Variants in NKAIN2 observed in about 807,000 individuals in gnomAD.
NKAIN2 encodes the protein sodium/potassium-transporting ATPase subunit beta-1-interacting protein 2.
NKAIN2 carries 14 observed loss-of-function variants against 32.6 expected under a neutral mutation model. That is an observed-to-expected ratio of 0.43 (90% CI 0.28 to 0.67). The LOEUF is 0.67. NKAIN2 is among the 30% of genes least tolerant of loss of function. The pLI is 0.17. For synonymous variants in NKAIN2, 80 were observed against 87.2 expected, an observed-to-expected ratio of 0.92 and a Z score of 0.46; for missense variants, 198 against 258.3, an observed-to-expected ratio of 0.77 and a Z score of 1.60.
intron 4 of NKAIN2, among the ~76,000 whole-genome samples, chr6:124,726,604 G>T (rs1223997633): frequency 1.3e-5 from 2 of 148,862 alleles, no homozygotes; most frequent in Non-Finnish European, 1.5e-5. Flanking sequence ...ACAAAGATGG[G>T]GAAAAAACAG....
chr6:124,388,815 A>C (rs1773023790), intron 3 of NKAIN2, among the ~76,000 whole-genome samples: 1 of 151,984 alleles, frequency 6.6e-6, no homozygotes, highest in Non-Finnish European at 1.5e-5. Flanking sequence ...TGCCTTGTAT[A>C]GTCTATTTAG....
intron 3 of NKAIN2, among the ~76,000 whole-genome samples, chr6:124,460,038 TGTA>T (rs565148830): frequency 2.8e-4 from 42 of 151,872 alleles, no homozygotes; most frequent in African/African-American, 9.2e-4. Context: ...ATATTCTATT[TGTA>T]GTCTTTCTAG....
At chr6:124,773,744 T>C (rs866752543) in intron 4 of NKAIN2, among the ~76,000 whole-genome samples, 1 of 152,184 alleles carries the variant, frequency 6.6e-6, no homozygotes, top group Non-Finnish European at 1.5e-5. Context: ...CCGATTAAAT[T>C]ACTATGGAAA....
chr6:124,058,222 G>A lies in NKAIN2; in HGVS notation c.55-224783G>A, dbSNP rs571259427. Among the ~76,000 whole-genome samples, 34 of 102,516 alleles carry A rather than the reference G, an allele frequency of 3.3e-4. 1 individual carries two copies. In the East Asian group the frequency reaches 6.4e-3, roughly 19 times the overall value. 67.3% of individuals were successfully genotyped at this position (102,516 alleles called of 152,430 possible). On this transcript the variant is annotated intron_variant, in intron 1 of 6. Transcript: ENST00000368417. ...AAGTTTTGTTTTTTTTTTTTTTTTC[G>A]GTTTTAGGCATATAACTCAGTTATA...
intron 3 of NKAIN2, among the ~76,000 whole-genome samples, chr6:124,635,817 G>A (rs1783752825): frequency 6.6e-6 from 1 of 151,944 alleles, no homozygotes; most frequent in Admixed American, 6.6e-5. Context: ...GCCAAAGAGA[G>A]AAGTAGACTC....
intron 3 of NKAIN2, among the ~76,000 whole-genome samples, chr6:124,629,386 G>A (rs958543191): frequency 5.9e-5 from 9 of 152,020 alleles, no homozygotes; most frequent in Non-Finnish European, 1.3e-4. Flanking sequence ...CCTTTAGAAG[G>A]CTCTGAAATT....
chr6:124,411,403 C>G (rs1331331997), intron 3 of NKAIN2, among the ~76,000 whole-genome samples: 1 of 152,096 alleles, frequency 6.6e-6, no homozygotes, highest in Non-Finnish European at 1.5e-5. Flanking sequence ...TCAGCATTTG[C>G]TTGTCTGTAA....
At chr6:123,937,316 G>T (rs1241928683) in intron 1 of NKAIN2, among the ~76,000 whole-genome samples, 3 of 152,010 alleles carry the variant, frequency 2.0e-5, no homozygotes, top group African/African-American at 7.2e-5. Context: ...TTCTAGAAAA[G>T]ATTTTGATTT....
intron 1 of NKAIN2, among the ~76,000 whole-genome samples, chr6:123,831,856 G>T (rs147798699): frequency 1.3e-5 from 2 of 151,986 alleles, no homozygotes; most frequent in Non-Finnish European, 2.9e-5. Context: ...GGGTTTCACC[G>T]TGTTAGCCAG....
At chr6:124,370,237 T>A (rs550925413) in intron 3 of NKAIN2, among the ~76,000 whole-genome samples, 1 of 151,818 alleles carries the variant, frequency 6.6e-6, no homozygotes, top group African/African-American at 2.4e-5. Context: ...GCTCTCTTTC[T>A]TGATTGAGAT....
chr6:124,328,649 G>A (rs946004839), intron 2 of NKAIN2, among the ~76,000 whole-genome samples: 1 of 152,274 alleles, frequency 6.6e-6, no homozygotes, highest in Admixed American at 6.5e-5. Context: ...GTGTTATAGG[G>A]CTCTCTAAAG....
chr6:124,635,057 GAGAAAGAAAGAGAAAAAAGACAAAGAA>G (rs1020362640), intron 3 of NKAIN2, among the ~76,000 whole-genome samples: 1 of 149,836 alleles, frequency 6.7e-6, no homozygotes, highest in African/African-American at 2.5e-5. Context: ...GAAGGAAAGA[GAGAAAGAAAGAGAAAAAAGACAAAGAA>G]AGAAAGAGAA....
At chr6:124,342,697 C>T (rs150444888) in intron 2 of NKAIN2, among the ~76,000 whole-genome samples, 55 of 151,392 alleles carry the variant, frequency 3.6e-4, no homozygotes, top group South Asian at 1.0e-3. Context: ...TTTGTAGGGA[C>T]GGGGTTTCAT....
At chr6:124,503,497 C>T (rs535311444) in intron 3 of NKAIN2, among the ~76,000 whole-genome samples, 2 of 152,128 alleles carry the variant, frequency 1.3e-5, no homozygotes, top group African/African-American at 4.8e-5. Context: ...CATGCAAGAC[C>T]TTTCACAAAA....
chr6:124,262,178 T>C (rs1280121544), intron 1 of NKAIN2, among the ~76,000 whole-genome samples: 1 of 152,162 alleles, frequency 6.6e-6, no homozygotes, highest in Non-Finnish European at 1.5e-5. Flanking sequence ...GACTTTCTTA[T>C]GGAAGGCAAA....
At chr6:124,343,751 T>C (rs564207753) in intron 2 of NKAIN2, among the ~76,000 whole-genome samples, 1 of 150,322 alleles carries the variant, frequency 6.7e-6, no homozygotes, top group Non-Finnish European at 1.5e-5. Context: ...AGAAGAGTAG[T>C]TTGCAAAAAT....
intron 3 of NKAIN2, among the ~76,000 whole-genome samples, chr6:124,580,334 A>G (rs1362863940): frequency 1.3e-5 from 2 of 152,224 alleles, no homozygotes; most frequent in Non-Finnish European, 1.5e-5. Flanking sequence ...AGAAACAACA[A>G]AAAATTAAAA....
At chr6:124,543,885 A>G (rs973823698) in intron 3 of NKAIN2, among the ~76,000 whole-genome samples, 10 of 152,166 alleles carry the variant, frequency 6.6e-5, no homozygotes, top group Admixed American at 5.9e-4. Flanking sequence ...TAAGTATAAA[A>G]GGTAGGGACA....
chr6:124,527,923 T>A (rs949567417), intron 3 of NKAIN2, among the ~76,000 whole-genome samples: 4 of 152,174 alleles, frequency 2.6e-5, no homozygotes, highest in Non-Finnish European at 4.4e-5. Flanking sequence ...TCACAATTAC[T>A]TTGGTATACT....
Sources: allele counts gnomAD v4.1 joint callset (sites outside exome capture counted in the v4.1 genomes callset), GRCh38; gene constraint gnomAD v4.1.1; transcripts MANE v1.5; gene names NCBI Gene and HGNC (gene_info 2026-07-23, HGNC 2026-07-21).